The following ZFHX3 variants were observed in gnomAD, a reference collection of about 807,000 sequenced individuals.
ZFHX3 encodes zinc finger homeobox protein 3.
In ZFHX3, 42 loss-of-function variants were observed where a neutral mutation model predicts 279.1. The ratio of observed to expected loss-of-function variants is 0.15; its 90% CI spans 0.12 to 0.19. The LOEUF is 0.19. Among genes scored for constraint, ZFHX3 ranks in the 10% least tolerant of loss-of-function variants. ZFHX3 has a pLI of 1.00. For missense variants in ZFHX3, 4,981 were observed against 4,754.0 expected (o/e 1.05, Z -1.40); for synonymous variants, 2,293 against 1,957.8 (o/e 1.17, Z -4.52).
At chr16:72,965,403 T>C (rs1250121475) in intron 1 of ZFHX3, among the ~76,000 whole-genome samples, 1 of 152,158 alleles carries the variant, frequency 6.6e-6, no homozygotes, top group Non-Finnish European at 1.5e-5. Context: ...TGGATATCTT[T>C]AGGCAGACAA....
At chr16:73,114,274 G>T (rs569186556) in intron 7 of ZFHX3, among the ~76,000 whole-genome samples, 1 of 151,846 alleles carries the variant, frequency 6.6e-6, no homozygotes, top group Non-Finnish European at 1.5e-5. Context: ...ATTTTCTGAG[G>T]CTATTTGGTG....
At chr16:72,876,816 C>T (rs2143998266) in intron 4 of ZFHX3, among the ~76,000 whole-genome samples, 1 of 152,272 alleles carries the variant, frequency 6.6e-6, no homozygotes, top group African/African-American at 2.4e-5. Context: ...TTTGTCCTCA[C>T]ACACGGCAGC....
upstream of ZFHX3, among the ~76,000 whole-genome samples, chr16:73,051,869 C>T (rs1458429106): frequency 6.6e-6 from 1 of 152,130 alleles, no homozygotes; most frequent in African/African-American, 2.4e-5. Context: ...GGGAATTTGC[C>T]ATGCAAGACT....
chr16:73,594,247 TATC>T (rs1355250664), intron 2 of ZFHX3, among the ~76,000 whole-genome samples: 3 of 152,300 alleles, frequency 2.0e-5, no homozygotes, highest in Admixed American at 6.5e-5. Flanking sequence ...TTTAAAAAGA[TATC>T]ATGTAAAATA....
chr16:73,866,052 T>C (rs942249211), intron 1 of ZFHX3, among the ~76,000 whole-genome samples: 2 of 152,008 alleles, frequency 1.3e-5, no homozygotes, highest in African/African-American at 2.4e-5. Context: ...TTGAGAATCC[T>C]GTTCTCAATC....
At chr16:73,280,769 G>A (rs916716700) in intron 4 of ZFHX3, among the ~76,000 whole-genome samples, 4 of 151,980 alleles carry the variant, frequency 2.6e-5, no homozygotes, top group Non-Finnish European at 4.4e-5. Context: ...ATTACCTGAG[G>A]TTGGGAGTTC....
At chr16:73,498,889 G>T (rs1006176683) in intron 2 of ZFHX3, among the ~76,000 whole-genome samples, 1 of 152,152 alleles carries the variant, frequency 6.6e-6, no homozygotes, top group Admixed American at 6.5e-5. Context: ...GGGAGTGAGT[G>T]CTTCGGTTCT....
chr16:73,402,633 G>C (rs879644161), intron 3 of ZFHX3, among the ~76,000 whole-genome samples: 1 of 152,136 alleles, frequency 6.6e-6, no homozygotes. Context: ...TCTTACCCAC[G>C]GTGGCTCATT....
chr16:73,857,684 G>A (rs557205927), intron 1 of ZFHX3, among the ~76,000 whole-genome samples: 1 of 152,246 alleles, frequency 6.6e-6, no homozygotes, highest in East Asian at 1.9e-4. Flanking sequence ...CTTGCGCTAG[G>A]GTTTTTGTTC....
chr16:73,414,562 T>A (rs2017532770), intron 3 of ZFHX3, among the ~76,000 whole-genome samples: 1 of 152,138 alleles, frequency 6.6e-6, no homozygotes, highest in Non-Finnish European at 1.5e-5. Context: ...TTAAAAAGGG[T>A]AATTAAGAGG....
rs780201365 is a variant in ZFHX3, at chr16:72,788,217, C to A, written c.10059G>T (p.Met3353Ile). The A allele has an allele frequency of 6.2e-7, 1 of 1,613,486 alleles. No individual in the cohort carries two copies. Among genetic ancestry groups the A allele is most frequent in the Admixed American group, 1.7e-5 (1 of 60,014 alleles). The part of the protein sequence containing the change: ...PYSPALSQAL[M>I]GLSPGSLLQQ... The stretch of plus-strand genomic sequence containing the variant: ...GCAGTAGGGAGCCTGGGGACAGCCC[C>A]ATCAGGGCCTGCGACAGTGCAGGGC... Residue 3353 changes from methionine (M) to isoleucine (I), a missense_variant, in exon 10 of 10, where the codon ATG becomes ATT. Transcript: ENST00000268489.
chr16:73,493,643 G>A (rs560924002), intron 2 of ZFHX3, among the ~76,000 whole-genome samples: 1 of 152,332 alleles, frequency 6.6e-6, no homozygotes, highest in Admixed American at 6.5e-5. Context: ...CAGCAGAGCA[G>A]TCCTGAGCTC....
intron 6 of ZFHX3, among the ~76,000 whole-genome samples, chr16:73,133,785 C>T (rs2144823317): frequency 6.6e-6 from 1 of 152,302 alleles, no homozygotes; most frequent in South Asian, 2.1e-4. Flanking sequence ...CTCCAGATCC[C>T]TTTCTTGGGA....
chr16:73,652,542 A>G (rs930170575), intron 2 of ZFHX3, among the ~76,000 whole-genome samples: 2 of 152,228 alleles, frequency 1.3e-5, no homozygotes. Flanking sequence ...TAAAAGAAAG[A>G]GCTAAATATG....
At chr16:72,887,876 T>C (rs548396858) in intron 4 of ZFHX3, among the ~76,000 whole-genome samples, 1 of 152,044 alleles carries the variant, frequency 6.6e-6, no homozygotes, top group East Asian at 1.9e-4. Context: ...TGTATGTGTG[T>C]GCGCGCACGT....
chr16:73,494,204 C>T (rs2019098712), intron 2 of ZFHX3, among the ~76,000 whole-genome samples: 1 of 152,136 alleles, frequency 6.6e-6, no homozygotes, highest in Admixed American at 6.5e-5. Context: ...GTTCAGGTCC[C>T]TAAGTGGCGA....
chr16:73,761,920 C>T lies in ZFHX3; in HGVS notation c.-1607-81680G>A, dbSNP rs111554837. On this transcript the variant is annotated intron_variant, in intron 1 of 17. Transcript: ENST00000641206. Reference sequence around the variant, plus strand: ...GGGAATACCATTCAGGACATAGGCACGGGTAAAAATTTCACGACAAAGATG... The same window carrying T: ...GGGAATACCATTCAGGACATAGGCATGGGTAAAAATTTCACGACAAAGATG... 5.3e-3 allele frequency among the ~76,000 whole-genome samples: 809 copies of T among 151,970 alleles called. 9 individuals carry two copies. Among genetic ancestry groups the T allele is most frequent in the African/African-American group, 0.019 (781 of 41,508 alleles).
At chr16:72,913,045 G>T (rs1284064055) in intron 3 of ZFHX3, among the ~76,000 whole-genome samples, 1 of 152,192 alleles carries the variant, frequency 6.6e-6, no homozygotes, top group African/African-American at 2.4e-5. Flanking sequence ...TTGTAAAACA[G>T]GCCTGGTTTT....
At chr16:72,911,047 G>A (rs1026221852) in intron 3 of ZFHX3, among the ~76,000 whole-genome samples, 2 of 152,154 alleles carry the variant, frequency 1.3e-5, no homozygotes, top group African/African-American at 4.8e-5. Context: ...TTGTCAGCCC[G>A]TGCTGTGCTA....
Sources: gnomAD v4.1 joint callset for allele counts (sites outside exome capture counted in the v4.1 genomes callset) on GRCh38, gnomAD v4.1.1 for gene constraint, MANE v1.5 for transcripts, NCBI Gene and HGNC (gene_info 2026-07-23, HGNC 2026-07-21) for gene names.